The following PRKG1 variants were observed in gnomAD, a reference collection of about 807,000 sequenced individuals.
PRKG1 encodes protein kinase cGMP-dependent 1.
Under a neutral mutation model 88.1 loss-of-function variants are expected in PRKG1, and 35 were observed. The observed-to-expected ratio is 0.40, with a 90% CI of 0.30 to 0.53. The LOEUF (loss-of-function observed/expected upper bound fraction) is 0.53, where lower values mean the gene tolerates loss of function less well. Ranked by LOEUF, PRKG1 falls within the 20% of genes least tolerant of loss-of-function variation. The probability of loss-of-function intolerance (pLI) is 0.59; values close to 1 mark genes in which losing one functional copy is unlikely to be tolerated. For missense variants in PRKG1, 540 were observed against 839.8 expected, an observed-to-expected ratio of 0.64 and a Z score of 4.41; for synonymous variants, 303 against 292.5, an observed-to-expected ratio of 1.04 and a Z score of -0.37.
At chr10:51,792,713 C>A (rs1838899880) in intron 3 of PRKG1, among the ~76,000 whole-genome samples, 1 of 152,034 alleles carries the variant, frequency 6.6e-6, no homozygotes, top group Non-Finnish European at 1.5e-5. Flanking sequence ...CACATGTGAT[C>A]CCTCACATCC....
rs34429733 is a variant in PRKG1 at position 51,324,571 on chromosome 10, CAAA to C, written c.479-143133_479-143131del. ...TGAAACCCCGTCTCTACTAAAAATA[CAAA>C]AAAAAAAAAAAAAAAAAATAGCCGG... On this transcript the variant is annotated intron_variant, in intron 2 of 17. Coordinates refer to ENST00000373980, the MANE Select transcript of PRKG1 (RefSeq NM_006258.4). 2.5e-3 allele frequency among the ~76,000 whole-genome samples: 213 copies of C among 84,432 alleles called. No homozygotes were observed. The Middle Eastern group carries it at 0.034, about 14-fold the overall frequency. The allele number at this position is 84,432 out of a possible 152,430, so 55.4% of individuals were successfully genotyped here.
At chr10:52,018,432 G>C (rs1475213135) in intron 5 of PRKG1, among the ~76,000 whole-genome samples, 1 of 152,078 alleles carries the variant, frequency 6.6e-6, no homozygotes. Flanking sequence ...TTAGTTTCCT[G>C]TTCTACAACA....
intron 3 of PRKG1, among the ~76,000 whole-genome samples, chr10:51,503,453 TC>T (rs1196492561): frequency 6.6e-6 from 1 of 152,186 alleles, no homozygotes; most frequent in African/African-American, 2.4e-5. Context: ...TTGTAGAATG[TC>T]CTCAGGAGAG....
At chr10:51,447,372 C>A (rs966032955) in intron 2 of PRKG1, among the ~76,000 whole-genome samples, 1 of 152,024 alleles carries the variant, frequency 6.6e-6, no homozygotes, top group Non-Finnish European at 1.5e-5. Flanking sequence ...GGGCTCTGCA[C>A]ATGAACAATC....
At chr10:51,012,046 G>A (rs1843000096) in intron 1 of PRKG1, among the ~76,000 whole-genome samples, 1 of 152,156 alleles carries the variant, frequency 6.6e-6, no homozygotes, top group Non-Finnish European at 1.5e-5. Context: ...GAACAGCACA[G>A]GAGAGACACA....
chr10:51,763,257 G>A (rs544416834), intron 3 of PRKG1, among the ~76,000 whole-genome samples: 2 of 151,760 alleles, frequency 1.3e-5, no homozygotes, highest in African/African-American at 4.8e-5. Flanking sequence ...TTAGAGACAG[G>A]ATTCTACTTT....
intron 9 of PRKG1, among the ~76,000 whole-genome samples, chr10:52,180,191 T>C (rs772848012): frequency 9.2e-5 from 14 of 152,206 alleles, no homozygotes; most frequent in Non-Finnish European, 1.2e-4. Flanking sequence ...TTTGTTTGGT[T>C]AGTCTGTTGT....
At chr10:52,222,338 C>G (rs1163351527) in intron 9 of PRKG1, among the ~76,000 whole-genome samples, 1 of 152,104 alleles carries the variant, frequency 6.6e-6, no homozygotes, top group African/African-American at 2.4e-5. Flanking sequence ...TCCAATAATG[C>G]ATGGGAACCA....
At chr10:52,087,165 T>G (rs1314879529) in intron 7 of PRKG1, among the ~76,000 whole-genome samples, 1 of 152,166 alleles carries the variant, frequency 6.6e-6, no homozygotes, top group African/African-American at 2.4e-5. Flanking sequence ...CAGCAACGTA[T>G]GAGGGGATTT....
chr10:51,206,416 C>T (rs1255666849), intron 2 of PRKG1, among the ~76,000 whole-genome samples: 1 of 151,244 alleles, frequency 6.6e-6, no homozygotes, highest in Non-Finnish European at 1.5e-5. Context: ...TGCTTAAACC[C>T]GGGAGGCGGA....
chr10:51,820,122 A>G (rs1839703783), intron 4 of PRKG1, among the ~76,000 whole-genome samples: 1 of 152,156 alleles, frequency 6.6e-6, no homozygotes, highest in South Asian at 2.1e-4. Context: ...AATGTCAGAT[A>G]CCTACTGATA....
chr10:51,818,317 T>C (rs1210213797), intron 4 of PRKG1, among the ~76,000 whole-genome samples: 2 of 152,158 alleles, frequency 1.3e-5, no homozygotes, highest in Admixed American at 6.5e-5. Flanking sequence ...TGTTTCTGAC[T>C]CTCAGAATTC....
chr10:51,881,125 A>G (rs1564690467), intron 4 of PRKG1, among the ~76,000 whole-genome samples: 1 of 151,922 alleles, frequency 6.6e-6, no homozygotes, highest in Non-Finnish European at 1.5e-5. Flanking sequence ...GCCCCAGGTT[A>G]TATTTGAGAA....
chr10:51,908,792 T>C (rs1842150482), intron 5 of PRKG1: 1 of 151,084 alleles, frequency 6.6e-6, no homozygotes, highest in Admixed American at 6.6e-5. Context: ...TGCAATGGCG[T>C]GATCTCGGCT....
intron 4 of PRKG1, among the ~76,000 whole-genome samples, chr10:51,853,472 A>G (rs1453938833): frequency 1.3e-5 from 2 of 152,182 alleles, no homozygotes; most frequent in Non-Finnish European, 2.9e-5. Context: ...AACACCCATT[A>G]TAATCATAGC....
At chr10:51,155,618 G>C (rs1295637182) in intron 2 of PRKG1, among the ~76,000 whole-genome samples, 1 of 151,982 alleles carries the variant, frequency 6.6e-6, no homozygotes, top group Admixed American at 6.6e-5. Context: ...TAGGATGTGT[G>C]TGTCTATATA....
intron 2 of PRKG1, among the ~76,000 whole-genome samples, chr10:51,345,955 T>C (rs116296183): frequency 6.6e-6 from 1 of 152,234 alleles, no homozygotes; most frequent in Non-Finnish European, 1.5e-5. Flanking sequence ...TCAGTACAGA[T>C]AGCATTATTG....
intron 3 of PRKG1, among the ~76,000 whole-genome samples, chr10:51,615,540 A>G (rs141889075): frequency 1.7e-3 from 251 of 149,394 alleles, no homozygotes; most frequent in African/African-American, 6.0e-3. Context: ...TTTTCTTGTT[A>G]TTTCAAAAGA....
chr10:51,833,699 G>A (rs1840059360), intron 4 of PRKG1, among the ~76,000 whole-genome samples: 2 of 152,106 alleles, frequency 1.3e-5, no homozygotes, highest in South Asian at 4.1e-4. Flanking sequence ...TTTGTGGTGA[G>A]AACATTAAAA....
Sources: allele counts gnomAD v4.1 joint callset (sites outside exome capture counted in the v4.1 genomes callset), GRCh38; gene constraint gnomAD v4.1.1; transcripts MANE v1.5; gene names NCBI Gene and HGNC (gene_info 2026-07-23, HGNC 2026-07-21).